The following IGSF21 variants were observed in gnomAD, a reference collection of about 807,000 sequenced individuals.
IGSF21 encodes immunoglobulin superfamily member 21.
A neutral mutation model predicts 46.8 loss-of-function variants in IGSF21; 28 were observed. That is an observed-to-expected ratio of 0.60 (90% CI 0.44 to 0.82). The LOEUF (loss-of-function observed/expected upper bound fraction) is 0.82, where lower values mean the gene tolerates loss of function less well. Among genes scored for constraint, IGSF21 ranks in the 40% least tolerant of loss-of-function variants. The pLI is 0.00. For missense variants in IGSF21, 624 were observed against 665.5 expected (o/e 0.94, Z 0.69); for synonymous variants, 284 against 273.6 (o/e 1.04, Z -0.38).
intron 6 of IGSF21, among the ~76,000 whole-genome samples, chr1:18,375,497 G>T (rs16861862): frequency 0.14 from 21,198 of 152,144 alleles, 1,672 homozygotes; most frequent in East Asian, 0.34. Context: ...CTCAGGTGTC[G>T]TTCAGAGGAT....
rs147887131 is a variant in IGSF21 at position 18,261,842 on chromosome 1, A to C, written c.184-30024A>C. Among the ~76,000 whole-genome samples the C allele has an allele frequency of 1.9e-3, 284 of 152,296 alleles. 1 individual carries two copies. Among genetic ancestry groups the C allele is most frequent in the African/African-American group, 6.4e-3 (265 of 41,566 alleles). ...CCCTCAGACAAGGATTTGAGTACAAATCATGTATTTTGGAGGTGACGTCGG... is the reference window on the plus strand; with the variant it reads ...CCCTCAGACAAGGATTTGAGTACAACTCATGTATTTTGGAGGTGACGTCGG... On this transcript the variant is annotated intron_variant, in intron 2 of 9. Coordinates refer to ENST00000251296, the MANE Select transcript of IGSF21 (RefSeq NM_032880.5).
intron 1 of IGSF21, among the ~76,000 whole-genome samples, chr1:18,177,717 A>C (rs1240760912): frequency 1.3e-5 from 2 of 152,166 alleles, no homozygotes; most frequent in Non-Finnish European, 2.9e-5. Context: ...CATTTAGAGC[A>C]ACGACCCTGT....
At chr1:18,319,870 A>G (rs957845913) in intron 3 of IGSF21, among the ~76,000 whole-genome samples, 1 of 152,156 alleles carries the variant, frequency 6.6e-6, no homozygotes, top group Non-Finnish European at 1.5e-5. Flanking sequence ...CCGACCTGCT[A>G]TATTTTTCAA....
chr1:18,272,970 C>T (rs572622002), intron 2 of IGSF21, among the ~76,000 whole-genome samples: 9 of 151,232 alleles, frequency 6.0e-5, no homozygotes, highest in Non-Finnish European at 1.3e-4. Flanking sequence ...TGTCTTTCCC[C>T]GTTACTGGCC....
At chr1:18,317,295 C>T (rs1270262544) in intron 3 of IGSF21, among the ~76,000 whole-genome samples, 4 of 152,240 alleles carry the variant, frequency 2.6e-5, no homozygotes, top group Admixed American at 2.6e-4. Context: ...TCACTCCTCA[C>T]CACAATCCTG....
At chr1:18,321,688 G>C (rs1459475631) in intron 3 of IGSF21, among the ~76,000 whole-genome samples, 1 of 152,124 alleles carries the variant, frequency 6.6e-6, no homozygotes, top group Non-Finnish European at 1.5e-5. Flanking sequence ...TCTTTTGTGG[G>C]GGTGCTCATC....
At chr1:18,189,681 C>T (rs1297434433) in intron 1 of IGSF21, among the ~76,000 whole-genome samples, 1 of 151,916 alleles carries the variant, frequency 6.6e-6, no homozygotes. Flanking sequence ...ATGCAGTTCA[C>T]AGTAGGGTCC....
At chr1:18,261,802 C>T (rs1388916998) in intron 2 of IGSF21, among the ~76,000 whole-genome samples, 1 of 152,196 alleles carries the variant, frequency 6.6e-6, no homozygotes, top group African/African-American at 2.4e-5. Context: ...AGGGTTTCCC[C>T]TGAAGCCCCC....
At chr1:18,123,122 C>T (rs1283293668) in intron 1 of IGSF21, among the ~76,000 whole-genome samples, 1 of 152,120 alleles carries the variant, frequency 6.6e-6, no homozygotes, top group African/African-American at 2.4e-5. Context: ...GTGACTATCC[C>T]ACTCTCCCGG....
At position 18,173,266 on chromosome 1, in the gene IGSF21, C is replaced by T. The variant is rs936235285; in HGVS notation, c.71-54632C>T. On this transcript the variant is annotated intron_variant, in intron 1 of 9. Coordinates refer to ENST00000251296, the MANE Select transcript of IGSF21 (RefSeq NM_032880.5). Reference sequence around the variant, plus strand: ...TCACACCACTGCACTCCAGCCTCAGCGACAGGCAAGACTCCGTCTCAAAAA... The same window carrying T: ...TCACACCACTGCACTCCAGCCTCAGTGACAGGCAAGACTCCGTCTCAAAAA... 4.6e-5 allele frequency among the ~76,000 whole-genome samples: 7 copies of T among 152,100 alleles called. No individual in the cohort carries two copies. The South Asian group carries it at 6.2e-4, about 14-fold the overall frequency.
intron 1 of IGSF21, among the ~76,000 whole-genome samples, chr1:18,162,065 G>T (rs897772400): frequency 1.8e-4 from 28 of 151,864 alleles, no homozygotes; most frequent in Admixed American, 3.9e-4. Flanking sequence ...TTGAGACAGG[G>T]TGTCACTCTA....
chr1:18,155,229 G>T (rs1159944806), intron 1 of IGSF21, among the ~76,000 whole-genome samples: 1 of 152,152 alleles, frequency 6.6e-6, no homozygotes, highest in Non-Finnish European at 1.5e-5. Context: ...AGGCAAGGCT[G>T]TCCTGTTACA....
chr1:18,241,649 T>C (rs2084729380), intron 2 of IGSF21, among the ~76,000 whole-genome samples: 1 of 152,120 alleles, frequency 6.6e-6, no homozygotes, highest in South Asian at 2.1e-4. Flanking sequence ...CCCTCTGGCT[T>C]GGGGAGCCTG....
chr1:18,278,989 C>T, intron 2 of IGSF21: 1 of 458,920 alleles, frequency 2.2e-6, no homozygotes, highest in South Asian at 1.6e-5. Context: ...AGCTATAGAA[C>T]TAAGCTAGGG....
chr1:18,332,798 G>T (rs923288037), intron 3 of IGSF21, among the ~76,000 whole-genome samples: 1 of 152,164 alleles, frequency 6.6e-6, no homozygotes, highest in Admixed American at 6.5e-5. Context: ...TGTAAATGAA[G>T]GTGTTTGTTT....
intron 3 of IGSF21, among the ~76,000 whole-genome samples, chr1:18,297,692 G>A (rs1430179503): frequency 1.3e-5 from 2 of 152,004 alleles, no homozygotes; most frequent in Non-Finnish European, 2.9e-5. Context: ...CATCACCCAC[G>A]CACATCCACC....
intron 6 of IGSF21, among the ~76,000 whole-genome samples, chr1:18,374,776 A>T (rs1042770953): frequency 1.3e-5 from 2 of 152,226 alleles, no homozygotes; most frequent in African/African-American, 4.8e-5. Context: ...GCTTTGCGTC[A>T]GAAAGAGAGG....
At chr1:18,159,449 T>C (rs921378945) in intron 1 of IGSF21, among the ~76,000 whole-genome samples, 2 of 152,156 alleles carry the variant, frequency 1.3e-5, no homozygotes, top group Non-Finnish European at 2.9e-5. Context: ...ATAATTCCCA[T>C]GTGTTGTGGA....
chr1:18,304,161 T>G (rs1366245529), intron 3 of IGSF21, among the ~76,000 whole-genome samples: 3 of 152,126 alleles, frequency 2.0e-5, no homozygotes, highest in African/African-American at 7.2e-5. Flanking sequence ...CCTAGGGCCA[T>G]AGCCATTGCA....
Sources: gnomAD v4.1 joint callset for allele counts (sites outside exome capture counted in the v4.1 genomes callset) on GRCh38, gnomAD v4.1.1 for gene constraint, MANE v1.5 for transcripts, NCBI Gene and HGNC (gene_info 2026-07-23, HGNC 2026-07-21) for gene names.